FAF1: variants seen among roughly 807,000 people sequenced by gnomAD.
FAF1 encodes the protein FAS-associated factor 1.
FAF1 carries 25 observed loss-of-function variants against 92.5 expected under a neutral mutation model. The observed-to-expected ratio is 0.27, with a 90% confidence interval of 0.20 to 0.38. The LOEUF (loss-of-function observed/expected upper bound fraction) is 0.38. FAF1 is among the 10% of genes least tolerant of loss of function. The pLI is 1.00. For synonymous variants in FAF1, 234 were observed against 273.2 expected, an observed-to-expected ratio of 0.86 and a Z score of 1.42; for missense variants, 636 against 793.3, an observed-to-expected ratio of 0.80 and a Z score of 2.38.
At chr1:50,472,368 TACAC>T (rs71850142) in intron 18 of FAF1, among the ~76,000 whole-genome samples, 18,819 of 123,630 alleles carry the variant, frequency 0.15, 1,140 homozygotes, top group African/African-American at 0.21. Context: ...GGGGAAAACA[TACAC>T]ACACACACAC....
At chr1:50,957,413 G>A (rs958328236) in intron 1 of FAF1, among the ~76,000 whole-genome samples, 7 of 143,284 alleles carry the variant, frequency 4.9e-5, no homozygotes, top group Non-Finnish European at 9.0e-5. Flanking sequence ...GTACAGTGGC[G>A]CAATCTCAGC....
intron 4 of FAF1, among the ~76,000 whole-genome samples, chr1:50,758,303 C>T (rs1221371970): frequency 2.0e-5 from 3 of 152,178 alleles, no homozygotes; most frequent in African/African-American, 4.8e-5. Context: ...ATCCACCTGC[C>T]TCGGCCTCCC....
chr1:50,582,556 C>G (rs1040846586), intron 12 of FAF1, 62 bp downstream of exon 12: 2 of 1,026,960 alleles, frequency 1.9e-6, no homozygotes, highest in African/African-American at 3.2e-5. Flanking sequence ...AGCATTGCCT[C>G]AGCCCTAGTG....
At chr1:50,952,512 C>A (rs1321448336) in intron 1 of FAF1, among the ~76,000 whole-genome samples, 1 of 152,244 alleles carries the variant, frequency 6.6e-6, no homozygotes, top group African/African-American at 2.4e-5. Flanking sequence ...GAGATTGCAG[C>A]CTCTGCCTGG....
At chr1:50,710,533 T>G (rs1368355768) in intron 6 of FAF1, among the ~76,000 whole-genome samples, 1 of 152,192 alleles carries the variant, frequency 6.6e-6, no homozygotes, top group Non-Finnish European at 1.5e-5. Flanking sequence ...TTTAGGCACT[T>G]AACCACTCTG....
intron 1 of FAF1, among the ~76,000 whole-genome samples, chr1:50,898,902 T>C (rs1431251628): frequency 6.6e-6 from 1 of 152,208 alleles, no homozygotes; most frequent in Non-Finnish European, 1.5e-5. Context: ...TTCCTCTAAT[T>C]TGGAAAATGT....
chr1:50,580,376 T>C (rs908496462), intron 12 of FAF1, among the ~76,000 whole-genome samples: 1 of 151,948 alleles, frequency 6.6e-6, no homozygotes, highest in Non-Finnish European at 1.5e-5. Context: ...TTTGTCAATC[T>C]GTAGCAGTTA....
At chr1:50,579,020 A>C (rs1398813041) in intron 12 of FAF1, among the ~76,000 whole-genome samples, 1 of 152,138 alleles carries the variant, frequency 6.6e-6, no homozygotes, top group Non-Finnish European at 1.5e-5. Context: ...TTTGGTTACA[A>C]ATCTAATAGG....
At chr1:50,852,958 G>A (rs760439720) in intron 2 of FAF1, among the ~76,000 whole-genome samples, 29 of 152,134 alleles carry the variant, frequency 1.9e-4, no homozygotes, top group Non-Finnish European at 3.7e-4. Context: ...AAATTGATAT[G>A]ATGAGCTATT....
intron 8 of FAF1, among the ~76,000 whole-genome samples, chr1:50,614,968 T>G (rs1178885451): frequency 3.3e-5 from 5 of 152,094 alleles, no homozygotes; most frequent in Admixed American, 3.3e-4. Flanking sequence ...ATGTACAGGA[T>G]TTTTACATGG....
At chr1:50,775,577 A>G (rs540665650) in intron 4 of FAF1, among the ~76,000 whole-genome samples, 21 of 152,208 alleles carry the variant, frequency 1.4e-4, no homozygotes, top group Admixed American at 9.2e-4. Flanking sequence ...GGTTTATCAA[A>G]CAGAATAGAG....
intron 8 of FAF1, among the ~76,000 whole-genome samples, chr1:50,635,473 T>G (rs1017991511): frequency 1.3e-5 from 2 of 152,218 alleles, no homozygotes; most frequent in Non-Finnish European, 2.9e-5. Context: ...TCACCCAGGC[T>G]GGAGTGCAGT....
intron 4 of FAF1, among the ~76,000 whole-genome samples, chr1:50,750,622 C>CTTTTTT (rs200229291): frequency 2.5e-4 from 33 of 133,720 alleles, no homozygotes; most frequent in South Asian, 4.9e-4. Flanking sequence ...TTTTTCTTTT[C>CTTTTTT]TTTTTTTTTT....
chr1:50,761,848 G>A (rs1471592334), intron 4 of FAF1, among the ~76,000 whole-genome samples: 1 of 152,132 alleles, frequency 6.6e-6, no homozygotes, highest in East Asian at 1.9e-4. Flanking sequence ...GGGCAATTAG[G>A]CAGGAGAAGG....
intron 15 of FAF1, among the ~76,000 whole-genome samples, chr1:50,530,735 C>A (rs978131633): frequency 6.6e-6 from 1 of 152,150 alleles, no homozygotes; most frequent in Non-Finnish European, 1.5e-5. Flanking sequence ...TGTATCAAAA[C>A]ATTTCATGTA....
chr1:50,584,783 T>C lies in FAF1; in HGVS notation c.869A>G (p.Asp290Gly). The change falls in exon 10 of 19, where the codon GAT becomes GGT. Residue 290 changes from aspartate to glycine, a missense_variant. Physicochemically the swap from Asp to Gly is moderately conservative, Grantham distance 94 (BLOSUM62 -1). Transcript: ENST00000396153. ...ATCTTCAAAGTCATCTCCATCGCTA[T>C]CACTAACCATATGAACATCGGTGAT... ...EQITDVHMVSDSDGDDFEDAT... is the reference protein window; with the variant it reads ...EQITDVHMVSGSDGDDFEDAT... 2 of 1,613,582 alleles carry C rather than the reference T, an allele frequency of 1.2e-6. No homozygotes were observed. The highest frequency in any genetic ancestry group is 1.7e-6 in the Non-Finnish European group (2 of 1,179,618).
intron 17 of FAF1, among the ~76,000 whole-genome samples, chr1:50,485,198 T>G (rs1029878901): frequency 6.6e-6 from 1 of 152,008 alleles, no homozygotes; most frequent in African/African-American, 2.4e-5. Context: ...TAGGCTCAAC[T>G]GATCCTCCCA....
intron 8 of FAF1, among the ~76,000 whole-genome samples, chr1:50,633,481 G>A (rs2124215775): frequency 6.6e-6 from 1 of 152,260 alleles, no homozygotes; most frequent in East Asian, 1.9e-4. Context: ...CTTCTAAGCA[G>A]CAAAAAGCTG....
At chr1:50,470,809 G>A (rs1646562382) in intron 18 of FAF1, 1 of 152,208 alleles carries the variant, frequency 6.6e-6, no homozygotes, top group South Asian at 2.1e-4. Context: ...TCACATGCAA[G>A]ACTAACTACC....
Sources: allele counts gnomAD v4.1 joint callset (sites outside exome capture counted in the v4.1 genomes callset), GRCh38; gene constraint gnomAD v4.1.1; transcripts MANE v1.5; gene names NCBI Gene and HGNC (gene_info 2026-07-23, HGNC 2026-07-21).